Variants in LPP observed in about 807,000 individuals in gnomAD.
The protein encoded by LPP is lipoma-preferred partner.
LPP carries 38 observed loss-of-function variants against 60.4 expected under a neutral mutation model. The observed-to-expected ratio is 0.63, with a 90% CI of 0.49 to 0.83. The LOEUF (loss-of-function observed/expected upper bound fraction) is 0.83. LPP is among the 40% of genes least tolerant of loss of function. The pLI is 0.00. For synonymous variants in LPP, 328 were observed against 290.8 expected (o/e 1.13, Z -1.30); for missense variants, 902 against 783.6 (o/e 1.15, Z -1.80).
At chr3:188,682,369 T>C (rs1432444187) in intron 7 of LPP, among the ~76,000 whole-genome samples, 1 of 152,232 alleles carries the variant, frequency 6.6e-6, no homozygotes, top group Non-Finnish European at 1.5e-5. Flanking sequence ...CTTTTCCATC[T>C]CTTGCGTTTA....
intron 6 of LPP, among the ~76,000 whole-genome samples, chr3:188,557,266 C>T (rs1158125): frequency 0.82 from 124,630 of 152,038 alleles, 51,161 homozygotes; most frequent in East Asian, 0.94. Context: ...TTGAAATGCA[C>T]GAATAAAGGT....
intron 1 of LPP, among the ~76,000 whole-genome samples, chr3:188,159,308 C>T (rs1342321855): frequency 6.6e-6 from 1 of 152,180 alleles, no homozygotes; most frequent in Admixed American, 6.5e-5. Flanking sequence ...TATCACCTAC[C>T]TGAGTCAGAT....
At chr3:188,664,493 T>C (rs1855325424) in intron 7 of LPP, among the ~76,000 whole-genome samples, 2 of 152,216 alleles carry the variant, frequency 1.3e-5, no homozygotes, top group South Asian at 4.1e-4. Flanking sequence ...TCTAACACTT[T>C]GATTTACTCA....
intron 3 of LPP, among the ~76,000 whole-genome samples, chr3:188,373,217 A>T (rs1436336740): frequency 1.3e-5 from 2 of 152,106 alleles, no homozygotes; most frequent in Non-Finnish European, 2.9e-5. Context: ...TTTGGGTATA[A>T]ACCCAGTAAT....
chr3:188,658,487 A>G (rs946364980), intron 7 of LPP, among the ~76,000 whole-genome samples: 2 of 152,160 alleles, frequency 1.3e-5, no homozygotes, highest in African/African-American at 4.8e-5. Context: ...AAAACAAACG[A>G]CATACCCTCC....
At chr3:188,202,874 C>T (rs943215432) in intron 1 of LPP, among the ~76,000 whole-genome samples, 1 of 151,900 alleles carries the variant, frequency 6.6e-6, no homozygotes, top group South Asian at 2.1e-4. Flanking sequence ...GACTCTAGAA[C>T]CCTCATTTTA....
intron 4 of LPP, among the ~76,000 whole-genome samples, chr3:188,414,387 T>C (rs1785629834): frequency 6.6e-6 from 1 of 152,158 alleles, no homozygotes; most frequent in Non-Finnish European, 1.5e-5. Flanking sequence ...GTTGCTTAGC[T>C]GGTATGTGTA....
rs2152108281 is a variant in LPP at position 188,889,457 on chromosome 3, GT to G, written c.*14980del. On this transcript the variant is annotated 3_prime_UTR_variant, in exon 12 of 12. Coordinates refer to ENST00000617246, the MANE Select transcript of LPP (RefSeq NM_001375462.1). ...GCTGGCAGATTACACTTGCCAAGTCGTTCCCTTTCCTTCTAAGTCAGTTGGC... is the reference window on the plus strand; with the variant it reads ...GCTGGCAGATTACACTTGCCAAGTCGTCCCTTTCCTTCTAAGTCAGTTGGC... The G allele has an allele frequency of 4.3e-6, 1 of 231,308 alleles. No individual in the cohort carries two copies. The highest frequency in any genetic ancestry group is 1.8e-4 in the South Asian group (1 of 5,508). The allele number at this position is 231,308 out of a possible 1,614,324, so 14.3% of individuals were successfully genotyped here.
intron 9 of LPP, among the ~76,000 whole-genome samples, chr3:188,856,293 C>T (rs923366443): frequency 6.6e-6 from 1 of 152,112 alleles, no homozygotes; most frequent in Non-Finnish European, 1.5e-5. Flanking sequence ...AGAAAAATTA[C>T]CTGCTGAAGA....
intron 2 of LPP, among the ~76,000 whole-genome samples, chr3:188,250,944 C>T (rs1283311165): frequency 3.2e-5 from 1 of 31,204 alleles, no homozygotes; most frequent in Non-Finnish European, 6.1e-5. Context: ...CTTCCCTTCC[C>T]TTCCCTTCCC....
At chr3:188,451,515 A>G (rs144882927) in intron 4 of LPP, among the ~76,000 whole-genome samples, 126 of 152,340 alleles carry the variant, frequency 8.3e-4, no homozygotes, top group Non-Finnish European at 1.6e-3. Context: ...TTTTCTAGGT[A>G]CTTGGGAACA....
chr3:188,546,983 A>T (rs1364331416), intron 6 of LPP, among the ~76,000 whole-genome samples: 1 of 152,230 alleles, frequency 6.6e-6, no homozygotes, highest in Non-Finnish European at 1.5e-5. Context: ...TAAGAAAAAG[A>T]TGTGTAAAGC....
At chr3:188,665,296 T>G (rs1234232440) in intron 7 of LPP, among the ~76,000 whole-genome samples, 1 of 152,138 alleles carries the variant, frequency 6.6e-6, no homozygotes, top group Non-Finnish European at 1.5e-5. Context: ...AATATAAAAT[T>G]GTCACAAAAT....
At chr3:188,677,978 C>T (rs1301926171) in intron 7 of LPP, among the ~76,000 whole-genome samples, 2 of 152,106 alleles carry the variant, frequency 1.3e-5, no homozygotes, top group Admixed American at 6.5e-5. Context: ...CAAACATGGT[C>T]CCAGGGTGGT....
intron 5 of LPP, among the ~76,000 whole-genome samples, chr3:188,511,839 C>T (rs1369913158): frequency 6.6e-6 from 1 of 152,164 alleles, no homozygotes; most frequent in Non-Finnish European, 1.5e-5. Flanking sequence ...GATATTTTCC[C>T]TCTTGTTTTC....
intron 9 of LPP, among the ~76,000 whole-genome samples, chr3:188,850,412 A>C (rs942882379): frequency 6.6e-6 from 1 of 152,172 alleles, no homozygotes; most frequent in African/African-American, 2.4e-5. Flanking sequence ...GGTAAAGGAG[A>C]GGAGAAATTG....
chr3:188,803,448 G>A (rs1242666499), intron 9 of LPP, among the ~76,000 whole-genome samples: 1 of 152,104 alleles, frequency 6.6e-6, no homozygotes, highest in African/African-American at 2.4e-5. Context: ...AATTTTAGGT[G>A]TTACTTTTAG....
At chr3:188,507,626 A>G (rs1813944155) in intron 5 of LPP, among the ~76,000 whole-genome samples, 1 of 152,124 alleles carries the variant, frequency 6.6e-6, no homozygotes, top group African/African-American at 2.4e-5. Flanking sequence ...GAGTCAGCAA[A>G]ACCTTGTATA....
Position 188,716,508 on chromosome 3 carries a change from A to G in LPP, c.1240+8115A>G, listed in dbSNP as rs530255986. On this transcript the variant is annotated intron_variant, in intron 8 of 11. Coordinates refer to ENST00000617246, the MANE Select transcript of LPP (RefSeq NM_001375462.1). ...AGCTTGTCCAGAGGACTTGACTAAG[A>G]TGCTTAGGAAATTAGAAACCATGAT... is the stretch of plus-strand genomic sequence containing the variant. 1.6e-4 allele frequency among the ~76,000 whole-genome samples: 25 copies of G among 152,344 alleles called. No individual in the cohort carries two copies. In the South Asian group the frequency reaches 5.2e-3, roughly 32 times the overall value.
Sources: gnomAD v4.1 joint callset for allele counts (sites outside exome capture counted in the v4.1 genomes callset) on GRCh38, gnomAD v4.1.1 for gene constraint, MANE v1.5 for transcripts, NCBI Gene and HGNC (gene_info 2026-07-23, HGNC 2026-07-21) for gene names.